Variants in FGGY observed in about 807,000 individuals in gnomAD.
FGGY encodes FGGY carbohydrate kinase domain containing.
A neutral mutation model predicts 71.3 loss-of-function variants in FGGY; 72 were observed. That is an observed-to-expected ratio of 1.01 (90% confidence interval 0.84 to 1.23). The LOEUF (loss-of-function observed/expected upper bound fraction) is 1.23. FGGY is among the 50% of genes most tolerant of loss of function. FGGY has a pLI of 0.00. For synonymous variants in FGGY, 251 were observed against 250.3 expected, an observed-to-expected ratio of 1.00 and a Z score of -0.02; for missense variants, 668 against 682.3, an observed-to-expected ratio of 0.98 and a Z score of 0.23.
At chr1:59,452,290 T>G (rs1424168563) in intron 5 of FGGY, among the ~76,000 whole-genome samples, 1 of 152,108 alleles carries the variant, frequency 6.6e-6, no homozygotes, top group Admixed American at 6.5e-5. Context: ...CTATGGTAAA[T>G]TAAGATAAAG....
intron 5 of FGGY, among the ~76,000 whole-genome samples, chr1:59,401,206 G>A (rs2061925384): frequency 6.6e-6 from 1 of 152,044 alleles, no homozygotes; most frequent in African/African-American, 2.4e-5. Context: ...AGTTTTTAAT[G>A]TCAGCATTGA....
At chr1:59,450,273 A>T (rs1419586160) in intron 5 of FGGY, among the ~76,000 whole-genome samples, 2 of 152,210 alleles carry the variant, frequency 1.3e-5, no homozygotes, top group Non-Finnish European at 2.9e-5. Context: ...ATGCCTCATT[A>T]TATATAATAC....
At chr1:59,668,115 A>G (rs1056133900) in intron 13 of FGGY, among the ~76,000 whole-genome samples, 3 of 152,292 alleles carry the variant, frequency 2.0e-5, no homozygotes, top group African/African-American at 7.2e-5. Flanking sequence ...TAATGGGCTG[A>G]GCTCTTTGTG....
intron 5 of FGGY, 56 bp downstream of exon 5, chr1:59,378,893 C>A: frequency 7.2e-7 from 1 of 1,393,724 alleles, no homozygotes; most frequent in African/African-American, 1.4e-5. Flanking sequence ...GGATGTCTGT[C>A]TATATATTGC....
intron 6 of FGGY, among the ~76,000 whole-genome samples, chr1:59,466,208 A>G (rs1264853335): frequency 6.6e-6 from 1 of 152,198 alleles, no homozygotes; most frequent in African/African-American, 2.4e-5. Flanking sequence ...CCACACATCT[A>G]CAACCATCTG....
chr1:59,493,096 A>AACACACACACATACAC (rs2093922252), intron 6 of FGGY, among the ~76,000 whole-genome samples: 2 of 143,024 alleles, frequency 1.4e-5, no homozygotes, highest in Non-Finnish European at 3.0e-5. Flanking sequence ...TACCAAACAA[A>AACACACACACATACAC]ACACACACAC....
chr1:59,419,944 C>G (rs1444331080), intron 5 of FGGY, among the ~76,000 whole-genome samples: 1 of 152,094 alleles, frequency 6.6e-6, no homozygotes, highest in Non-Finnish European at 1.5e-5. Context: ...GTTGGCTTTC[C>G]ATTTGTAAGC....
intron 8 of FGGY, among the ~76,000 whole-genome samples, chr1:59,590,935 C>A (rs1214745705): frequency 6.6e-6 from 1 of 152,078 alleles, no homozygotes; most frequent in African/African-American, 2.4e-5. Context: ...GAAATTCTGG[C>A]CAGGGCAATT....
chr1:59,615,270 C>A (rs2153828178), intron 9 of FGGY, among the ~76,000 whole-genome samples: 1 of 152,230 alleles, frequency 6.6e-6, no homozygotes, highest in Non-Finnish European at 1.5e-5. Context: ...CTACAGCAAC[C>A]AAAACAGCAT....
chr1:59,753,249 T>C, intron 14 of FGGY, among the ~76,000 whole-genome samples: 1 of 151,954 alleles, frequency 6.6e-6, no homozygotes, highest in East Asian at 1.9e-4. Context: ...TATGTTGTGG[T>C]AATTTCAGAT....
At chr1:59,359,067 T>C (rs532410317) in intron 4 of FGGY, among the ~76,000 whole-genome samples, 47 of 152,360 alleles carry the variant, frequency 3.1e-4, no homozygotes, top group African/African-American at 1.1e-3. Flanking sequence ...ATCACACAGG[T>C]ACCCCTGTCT....
chr1:59,604,894 C>T (rs2096609221), intron 8 of FGGY, among the ~76,000 whole-genome samples: 1 of 152,178 alleles, frequency 6.6e-6, no homozygotes, highest in Non-Finnish European at 1.5e-5. Context: ...CCTCATTCAT[C>T]TCAAAGAAGC....
At position 59,445,247 on chromosome 1, in the gene FGGY, G is replaced by T. The variant is rs536517502; in HGVS notation, c.555-11714G>T. On this transcript the variant is annotated intron_variant, in intron 5 of 15. Transcript: ENST00000303721. The stretch of plus-strand genomic sequence containing the variant: ...CACAGCAAGGATCTTGCTGAGATGG[G>T]TGTGGCCACTTGCTTGCCTCACTTC... 3.3e-5 allele frequency among the ~76,000 whole-genome samples: 5 copies of T among 152,268 alleles called. No individual in the cohort carries two copies. In the East Asian group the frequency reaches 9.7e-4, roughly 29 times the overall value.
chr1:59,738,888 C>T (rs1348887577), intron 14 of FGGY, among the ~76,000 whole-genome samples: 2 of 152,200 alleles, frequency 1.3e-5, no homozygotes, highest in Non-Finnish European at 1.5e-5. Context: ...GTGGCCAGTG[C>T]TTCTTTGTCC....
At chr1:59,698,099 T>C (rs550050611) in intron 14 of FGGY, among the ~76,000 whole-genome samples, 1 of 152,316 alleles carries the variant, frequency 6.6e-6, no homozygotes, top group African/African-American at 2.4e-5. Flanking sequence ...ATATTAATAG[T>C]ACTTTTCCCT....
At chr1:59,314,480 A>G (rs1259169075) in intron 1 of FGGY, among the ~76,000 whole-genome samples, 1 of 152,072 alleles carries the variant, frequency 6.6e-6, no homozygotes, top group Non-Finnish European at 1.5e-5. Context: ...CTCTGTGCTC[A>G]TTATTTCCTT....
intron 8 of FGGY, among the ~76,000 whole-genome samples, chr1:59,602,518 G>A (rs908973154): frequency 7.2e-5 from 11 of 152,150 alleles, no homozygotes; most frequent in Admixed American, 2.6e-4. Flanking sequence ...TTGAGAATCA[G>A]TAGGATCTGT....
At chr1:59,659,381 G>A (rs536098104) in intron 11 of FGGY, among the ~76,000 whole-genome samples, 15 of 152,288 alleles carry the variant, frequency 9.8e-5, no homozygotes, top group Middle Eastern at 3.4e-3. Flanking sequence ...GATGCAAACC[G>A]CATGTCCATA....
intron 5 of FGGY, among the ~76,000 whole-genome samples, chr1:59,430,743 C>T (rs777641403): frequency 1.3e-5 from 2 of 152,060 alleles, no homozygotes; most frequent in South Asian, 2.1e-4. Context: ...ATCTCAGTGT[C>T]GTCAGAGTAC....
Sources: allele counts gnomAD v4.1 joint callset (sites outside exome capture counted in the v4.1 genomes callset), GRCh38; gene constraint gnomAD v4.1.1; transcripts MANE v1.5; gene names NCBI Gene and HGNC (gene_info 2026-07-23, HGNC 2026-07-21).